Variants in TNS3 observed in about 807,000 individuals in gnomAD.
TNS3 encodes tensin-3.
Under a neutral mutation model 140.9 loss-of-function variants are expected in TNS3, and 45 were observed. The observed-to-expected ratio is 0.32, with a 90% CI of 0.25 to 0.41. The LOEUF is 0.41. Ranked by LOEUF, TNS3 falls within the 10% of genes least tolerant of loss-of-function variation. The pLI is 1.00. For synonymous variants in TNS3, 815 were observed against 788.4 expected (o/e 1.03, Z -0.56); for missense variants, 1,716 against 1,906.7 (o/e 0.90, Z 1.86).
At chr7:47,438,039 AAAT>A (rs56039512) in intron 6 of TNS3, among the ~76,000 whole-genome samples, 50,958 of 147,408 alleles carry the variant, frequency 0.35, 10,492 homozygotes, top group Middle Eastern at 0.5. Flanking sequence ...TTCAAAATGA[AAAT>A]AATAATAATA....
intron 20 of TNS3, among the ~76,000 whole-genome samples, chr7:47,317,281 T>C (rs1787467635): frequency 6.6e-6 from 1 of 152,234 alleles, no homozygotes; most frequent in African/African-American, 2.4e-5. Context: ...GACATTCTCA[T>C]CACAATTGGA....
intron 4 of TNS3, among the ~76,000 whole-genome samples, chr7:47,455,222 T>C (rs1384704468): frequency 6.6e-6 from 1 of 152,098 alleles, no homozygotes; most frequent in Non-Finnish European, 1.5e-5. Context: ...AATAGCTCAA[T>C]GTTTGCAAGG....
At chr7:47,513,072 T>G (rs1473166087) in intron 2 of TNS3, among the ~76,000 whole-genome samples, 3 of 152,236 alleles carry the variant, frequency 2.0e-5, no homozygotes, top group Non-Finnish European at 2.9e-5. Context: ...TTGGCAAAAG[T>G]TCTGCCTAAT....
chr7:47,309,167 A>G (rs978650433), intron 20 of TNS3, among the ~76,000 whole-genome samples: 2 of 152,232 alleles, frequency 1.3e-5, no homozygotes, highest in Admixed American at 6.5e-5. Context: ...TTGGCTTGGA[A>G]GCCATTATTT....
intron 1 of TNS3, among the ~76,000 whole-genome samples, chr7:47,543,548 C>A (rs1009181222): frequency 1.3e-5 from 2 of 152,226 alleles, no homozygotes; most frequent in Non-Finnish European, 2.9e-5. Flanking sequence ...ATCAAAGATG[C>A]CATTTGTGAA....
intron 16 of TNS3, among the ~76,000 whole-genome samples, chr7:47,379,490 A>C (rs1234505129): frequency 6.6e-6 from 1 of 152,192 alleles, no homozygotes; most frequent in African/African-American, 2.4e-5. Flanking sequence ...TGAGGACTAC[A>C]CTTGGGTCTT....
chr7:47,460,212 CAAA>C (rs10526565), intron 4 of TNS3, among the ~76,000 whole-genome samples: 11,799 of 110,992 alleles, frequency 0.11, 259 homozygotes, highest in African/African-American at 0.13. Flanking sequence ...GACTCTGTCC[CAAA>C]AAAAAAAAAA....
chr7:47,528,452 C>T (rs1157064700), intron 2 of TNS3, among the ~76,000 whole-genome samples: 1 of 152,174 alleles, frequency 6.6e-6, no homozygotes, highest in Admixed American at 6.5e-5. Flanking sequence ...CTCCTAGTGA[C>T]TCCCTCTGTG....
intron 17 of TNS3, among the ~76,000 whole-genome samples, chr7:47,358,813 T>G (rs2151077633): frequency 6.6e-6 from 1 of 152,274 alleles, no homozygotes; most frequent in African/African-American, 2.4e-5. Context: ...GGGAGAGAAT[T>G]CTACCACCAC....
intron 16 of TNS3, among the ~76,000 whole-genome samples, chr7:47,393,696 A>AG (rs1253346883): frequency 6.6e-6 from 1 of 152,120 alleles, no homozygotes; most frequent in Non-Finnish European, 1.5e-5. Context: ...CTGCCCATAA[A>AG]GGGGGTCTCT....
At chr7:47,381,233 G>A (rs544056272) in intron 16 of TNS3, among the ~76,000 whole-genome samples, 8 of 152,314 alleles carry the variant, frequency 5.3e-5, no homozygotes, top group South Asian at 4.1e-4. Flanking sequence ...GTAACCAGGC[G>A]GAAAATCTTT....
At chr7:47,537,211 G>A (rs955900611) in intron 1 of TNS3, among the ~76,000 whole-genome samples, 1 of 152,064 alleles carries the variant, frequency 6.6e-6, no homozygotes, top group African/African-American at 2.4e-5. Flanking sequence ...CGAGTCCCCT[G>A]CGGACACAAG....
chr7:47,325,816 C>T (rs529302565), intron 20 of TNS3, among the ~76,000 whole-genome samples: 1 of 152,270 alleles, frequency 6.6e-6, no homozygotes, highest in Admixed American at 6.5e-5. Flanking sequence ...CTGTCCTGAT[C>T]CTACATCAAC....
intron 2 of TNS3, among the ~76,000 whole-genome samples, chr7:47,516,899 C>T: frequency 6.6e-6 from 1 of 152,120 alleles, no homozygotes; most frequent in African/African-American, 2.4e-5. Context: ...CCCAACTCTA[C>T]TAAAACTACA....
intron 4 of TNS3, among the ~76,000 whole-genome samples, chr7:47,460,109 A>G (rs2151683362): frequency 6.7e-6 from 1 of 149,730 alleles, no homozygotes; most frequent in African/African-American, 2.5e-5. Context: ...GCTACTCGGG[A>G]GGCTGAGGCA....
intron 1 of TNS3, among the ~76,000 whole-genome samples, chr7:47,576,452 G>A (rs1481495954): frequency 2.6e-5 from 4 of 152,196 alleles, no homozygotes; most frequent in African/African-American, 7.2e-5. Flanking sequence ...CCAGGTTTGT[G>A]GGATGCCAGA....
rs1785226352 is a variant in TNS3 at position 47,282,945 on chromosome 7, T to A, written c.4097+752A>T. Among the ~76,000 whole-genome samples, 4 of 151,356 alleles carry A rather than the reference T, an allele frequency of 2.6e-5. No individual in the cohort carries two copies. The South Asian group carries it at 6.3e-4, about 24-fold the overall frequency. On this transcript the variant is annotated intron_variant, in intron 28 of 30. Transcript: ENST00000311160. ...GCATGGGGGCCCTGCTCGGGGAGCA[T>A]CCTGGGAAAGCAGCCAGGCTGGTCT...
intron 4 of TNS3, among the ~76,000 whole-genome samples, chr7:47,480,792 T>A (rs1441114697): frequency 4.6e-5 from 7 of 152,204 alleles, no homozygotes; most frequent in Non-Finnish European, 8.8e-5. Context: ...GACAACAGAC[T>A]TGTGCTGTCT....
chr7:47,531,153 G>A (rs919319683), intron 1 of TNS3, among the ~76,000 whole-genome samples: 1 of 151,720 alleles, frequency 6.6e-6, no homozygotes, highest in African/African-American at 2.4e-5. Flanking sequence ...TACCTATCGA[G>A]TACTACGCTT....
Sources: gnomAD v4.1 joint callset for allele counts (sites outside exome capture counted in the v4.1 genomes callset) on GRCh38, gnomAD v4.1.1 for gene constraint, MANE v1.5 for transcripts, NCBI Gene and HGNC (gene_info 2026-07-23, HGNC 2026-07-21) for gene names.